Variants in EFCAB7 observed in about 807,000 individuals in gnomAD.
The protein encoded by EFCAB7 is EF-hand calcium-binding domain-containing protein 7.
EFCAB7 carries 66 observed loss-of-function variants against 77.1 expected under a neutral mutation model. The ratio of observed to expected loss-of-function variants is 0.86; its 90% CI spans 0.70 to 1.05. The LOEUF is 1.05. Ranked by LOEUF, EFCAB7 falls within the 50% of genes least tolerant of loss-of-function variation. The pLI is 0.00. For synonymous variants in EFCAB7, 225 were observed against 243.3 expected, an observed-to-expected ratio of 0.92 and a Z score of 0.70; for missense variants, 638 against 730.5, an observed-to-expected ratio of 0.87 and a Z score of 1.46.
chr1:63,560,812 G>A (rs1266390680), intron 10 of EFCAB7, among the ~76,000 whole-genome samples: 1 of 152,092 alleles, frequency 6.6e-6, no homozygotes, highest in Non-Finnish European at 1.5e-5. Context: ...GTGAGCCACC[G>A]TGCCCGGCTT....
chr1:63,565,669 T>G (rs1376111962), intron 11 of EFCAB7, among the ~76,000 whole-genome samples: 1 of 138,740 alleles, frequency 7.2e-6, no homozygotes. Flanking sequence ...ATAAGTAACT[T>G]AAATTTACAA....
At chr1:63,583,286 C>G in the EFCAB7 span, among the ~76,000 whole-genome samples, 1 of 152,134 alleles carries the variant, frequency 6.6e-6, no homozygotes, top group Non-Finnish European at 1.5e-5. Flanking sequence ...TAAACTCTCC[C>G]CCTTCAATGC....
chr1:63,539,525 A>G (rs2100884489), intron 6 of EFCAB7, among the ~76,000 whole-genome samples: 1 of 152,352 alleles, frequency 6.6e-6, no homozygotes, highest in African/African-American at 2.4e-5. Context: ...AATAGAACAG[A>G]ACTTAGAATA....
At chr1:63,561,381 G>T (rs1023972145) in intron 10 of EFCAB7, among the ~76,000 whole-genome samples, 1 of 152,048 alleles carries the variant, frequency 6.6e-6, no homozygotes, top group East Asian at 1.9e-4. Context: ...ATATAACAAC[G>T]TATGCTCTAA....
intron 2 of EFCAB7, among the ~76,000 whole-genome samples, chr1:63,531,175 G>C (rs1646689249): frequency 6.6e-6 from 1 of 151,904 alleles, no homozygotes; most frequent in Non-Finnish European, 1.5e-5. Context: ...AGAGTACTTA[G>C]ATAGTACTTA....
At chr1:63,541,330 A>G (rs1321974079) in intron 6 of EFCAB7, among the ~76,000 whole-genome samples, 1 of 152,174 alleles carries the variant, frequency 6.6e-6, no homozygotes, top group Non-Finnish European at 1.5e-5. Context: ...ATTATATACC[A>G]TTGGTGGTAT....
the EFCAB7 span, among the ~76,000 whole-genome samples, chr1:63,581,538 G>A: frequency 6.6e-6 from 1 of 151,952 alleles, no homozygotes; most frequent in African/African-American, 2.4e-5. Flanking sequence ...TTTCAAATTT[G>A]AACCAGCCTT....
chr1:63,585,034 GT>G, the EFCAB7 span, among the ~76,000 whole-genome samples: 5 of 152,174 alleles, frequency 3.3e-5, no homozygotes, highest in Non-Finnish European at 5.9e-5. Context: ...CATAAGATGA[GT>G]TGGGAATGCT....
intron 11 of EFCAB7, among the ~76,000 whole-genome samples, chr1:63,563,399 A>C (rs1168672138): frequency 1.3e-5 from 2 of 152,262 alleles, no homozygotes; most frequent in Non-Finnish European, 2.9e-5. Flanking sequence ...TGCTTACTAT[A>C]AAGGAGAGCT....
the EFCAB7 span, among the ~76,000 whole-genome samples, chr1:63,578,707 C>T: frequency 6.6e-6 from 1 of 152,036 alleles, no homozygotes; most frequent in Non-Finnish European, 1.5e-5. Flanking sequence ...TCCCAAAGTG[C>T]TGGGATTACA....
chr1:63,551,420 G>A (rs1044662383), intron 7 of EFCAB7, among the ~76,000 whole-genome samples: 7 of 152,030 alleles, frequency 4.6e-5, no homozygotes, highest in African/African-American at 9.7e-5. Context: ...GTGAAACCCC[G>A]TCTCTACTAA....
chr1:63,580,574 A>T, the EFCAB7 span, among the ~76,000 whole-genome samples: 1 of 152,038 alleles, frequency 6.6e-6, no homozygotes, highest in African/African-American at 2.4e-5. Context: ...TTCCCTTTTC[A>T]TATAAATTTT....
rs567816915 is a variant in EFCAB7 at position 63,568,972 on chromosome 1, C to G, written c.1707+453C>G. The G allele has an allele frequency of 5.3e-5, 8 of 152,312 alleles. No homozygotes were observed. The South Asian group carries it at 1.4e-3, about 28-fold the overall frequency. 9.4% of individuals were successfully genotyped at this position (152,312 alleles called of 1,614,324 possible). ...AATATAACTAAATGTATTCTACTGT[C>G]CCAAGACCTGCTTTCATCAAGCTGA... On this transcript the variant is annotated intron_variant, in intron 12 of 13. Coordinates refer to ENST00000371088, the MANE Select transcript of EFCAB7 (RefSeq NM_032437.4).
chr1:63,572,987 T>G (rs1464416200), downstream of EFCAB7, among the ~76,000 whole-genome samples: 5 of 152,170 alleles, frequency 3.3e-5, no homozygotes, highest in African/African-American at 1.2e-4. Context: ...AACAGGCCAT[T>G]TTCACTTCTT....
intron 6 of EFCAB7, among the ~76,000 whole-genome samples, chr1:63,539,423 T>C (rs1416071278): frequency 6.6e-6 from 1 of 152,192 alleles, no homozygotes; most frequent in Admixed American, 6.5e-5. Context: ...GGAATCCCGA[T>C]TGATAATGCC....
chr1:63,584,005 G>A, the EFCAB7 span, among the ~76,000 whole-genome samples: 2 of 146,418 alleles, frequency 1.4e-5, no homozygotes, highest in Admixed American at 1.4e-4. Flanking sequence ...AGAAATTCAA[G>A]ACACCACACC....
At chr1:63,582,545 T>C in the EFCAB7 span, among the ~76,000 whole-genome samples, 3 of 152,322 alleles carry the variant, frequency 2.0e-5, no homozygotes, top group East Asian at 5.8e-4. Flanking sequence ...TATAAGGAAG[T>C]CATACCTGTA....
chr1:63,559,686 C>A (rs1039002559), intron 10 of EFCAB7, among the ~76,000 whole-genome samples: 4 of 151,856 alleles, frequency 2.6e-5, no homozygotes, highest in Admixed American at 6.6e-5. Flanking sequence ...GGTCTCAAAC[C>A]CCTGGAGGGT....
At position 63,531,857 on chromosome 1, in the gene EFCAB7, C is replaced by T. The variant is rs147433143; in HGVS notation, c.225C>T (p.Thr75=). Residue 75 remains threonine, a synonymous_variant, in exon 3 of 14, where the codon ACC becomes ACT. Coordinates refer to ENST00000371088, the MANE Select transcript of EFCAB7 (RefSeq NM_032437.4). ...CAGGAAGAAATCCATCCCAAAAGAC[C>T]ATTAATAAGTATTGGACTCCTCAAA... ...QHAGRNPSQK[T]INKYWTPQTA... 4 of 1,612,490 alleles carry T rather than the reference C, an allele frequency of 2.5e-6. No homozygotes were observed. In the Admixed American group the frequency reaches 5.0e-5, roughly 20 times the overall value.
Sources: allele counts gnomAD v4.1 joint callset (sites outside exome capture counted in the v4.1 genomes callset), GRCh38; gene constraint gnomAD v4.1.1; transcripts MANE v1.5; gene names NCBI Gene and HGNC (gene_info 2026-07-23, HGNC 2026-07-21).